PCSK7: variants seen among roughly 807,000 people sequenced by gnomAD.
PCSK7 encodes lymphoma proprotein convertase.
Under a neutral mutation model 73.3 loss-of-function variants are expected in PCSK7, and 38 were observed. The observed-to-expected ratio is 0.52, with a 90% CI of 0.40 to 0.68. The LOEUF (loss-of-function observed/expected upper bound fraction) is 0.68. Ranked by LOEUF, PCSK7 falls within the 30% of genes least tolerant of loss-of-function variation. PCSK7 has a pLI of 0.00. For synonymous variants in PCSK7, 296 were observed against 383.8 expected (o/e 0.77, Z 2.68); for missense variants, 692 against 991.5 (o/e 0.70, Z 4.06).
intron 6 of PCSK7, chr11:117,225,511 G>T: frequency 5.0e-6 from 1 of 199,834 alleles, no homozygotes; most frequent in Non-Finnish European, 1.0e-5. Flanking sequence ...GGGAGGAACA[G>T]GTGCCATCAA....
chr11:117,205,093 T>C lies in PCSK7; in HGVS notation c.*904A>G, dbSNP rs2031290130. On this transcript the variant is annotated 3_prime_UTR_variant, in exon 17 of 17. Transcript: ENST00000320934. Reference sequence around the variant, plus strand: ...AGAATTGTTTGGAAGGTTTTTATTTTGGAAAAGCTGTGCAGAAAAAAATTC... The same window carrying C: ...AGAATTGTTTGGAAGGTTTTTATTTCGGAAAAGCTGTGCAGAAAAAAATTC... 1 of 226,038 alleles carries C rather than the reference T, an allele frequency of 4.4e-6. No individual in the cohort carries two copies. Among genetic ancestry groups the C allele is most frequent in the Non-Finnish European group, 8.8e-6 (1 of 113,268 alleles). The allele number at this position is 226,038 out of a possible 1,614,324, so 14.0% of individuals were successfully genotyped here. A position where few individuals can be genotyped will look rare whatever the true frequency, so the allele number is the denominator to read the frequency against.
chr11:117,209,972 G>A (rs1258721366), intron 12 of PCSK7: 2 of 152,700 alleles, frequency 1.3e-5, no homozygotes, highest in Non-Finnish European at 2.9e-5. Flanking sequence ...GAGGGGATGG[G>A]TGTGGCCAGA....
rs759719489 is a variant in PCSK7, at chr11:117,219,650, C to G, written c.1264G>C (p.Val422Leu). Residue 422 changes from valine (V) to leucine (L), a missense_variant, in exon 10 of 17, where the codon GTG becomes CTG. By Grantham distance (32) the Val-to-Leu change is conservative. This residue lies in a region of PCSK7 where 574 missense variants were observed against 689.8 expected (regional missense o/e 0.83). Coordinates refer to ENST00000320934, the MANE Select transcript of PCSK7 (RefSeq NM_004716.4). The stretch of plus-strand genomic sequence containing the variant: ...TCACGCCACGTGAGGCAGGGCCGCA[C>G]CTGCAGCATTAAGGCTATCATGCCA... ...AAGMIALMLQVRPCLTWRDVQ... is the reference protein window; with the variant it reads ...AAGMIALMLQLRPCLTWRDVQ... 1 of 1,612,742 alleles carries G rather than the reference C, an allele frequency of 6.2e-7. No homozygotes were observed. The highest frequency in any genetic ancestry group is 8.5e-7 in the Non-Finnish European group (1 of 1,179,534).
rs944525678 is a variant in PCSK7, at chr11:117,225,772, G to A, written c.860+159C>T. The A allele has an allele frequency of 2.4e-5, 15 of 633,824 alleles. No individual in the cohort carries two copies. In the South Asian group the frequency reaches 2.7e-4, roughly 11 times the overall value. The allele number at this position is 633,824 out of a possible 1,614,324, so 39.3% of individuals were successfully genotyped here. On this transcript the variant is annotated intron_variant, in intron 6 of 16. Transcript: ENST00000320934. ...GGGGGCTTAAGGTTGAGTGCCCAGTGGCTGGGAATCTAGAGAAATGAAGGC... is the reference window on the plus strand; with the variant it reads ...GGGGGCTTAAGGTTGAGTGCCCAGTAGCTGGGAATCTAGAGAAATGAAGGC...
At chr11:117,214,950 A>G (rs1403045313) in intron 12 of PCSK7, 1 of 152,154 alleles carries the variant, frequency 6.6e-6, no homozygotes, top group Non-Finnish European at 1.5e-5. Context: ...GAGTGTGAAT[A>G]ACACACTCCT....
intron 5 of PCSK7, 124 bp downstream of exon 5, chr11:117,227,033 C>T (rs1193081291): frequency 1.4e-6 from 1 of 727,078 alleles, no homozygotes; most frequent in African/African-American, 1.8e-5. Flanking sequence ...CTCACCCTTG[C>T]TCTATGCTAT....
chr11:117,205,225 A>C lies in PCSK7; in HGVS notation c.*772T>G. The stretch of plus-strand genomic sequence containing the variant: ...AGGCCAAGGTTGAGAGAAGAGTCAC[A>C]GCCTGTCAGGCAGATAGCTGGCCTC... On this transcript the variant is annotated 3_prime_UTR_variant, in exon 17 of 17. Transcript: ENST00000320934. 1 of 233,668 alleles carries C rather than the reference A, an allele frequency of 4.3e-6. No individual in the cohort carries two copies. Among genetic ancestry groups the C allele is most frequent in the Non-Finnish European group, 8.5e-6 (1 of 117,980 alleles). The allele number at this position is 233,668 out of a possible 1,614,324, so 14.5% of individuals were successfully genotyped here. A position where few individuals can be genotyped will look rare whatever the true frequency, so the allele number is the denominator to read the frequency against.
At chr11:117,212,199 T>C (rs897701368) in intron 12 of PCSK7, 1 of 152,126 alleles carries the variant, frequency 6.6e-6, no homozygotes, top group African/African-American at 2.4e-5. Flanking sequence ...TTTTTTATTG[T>C]TTTTAATTGT....
chr11:117,227,306 T>C lies in PCSK7; in HGVS notation c.620A>G (p.Tyr207Cys). Reference protein sequence around the residue: ...IAPNYSPEGSYDLNSNDPDPM... With the variant: ...IAPNYSPEGSCDLNSNDPDPM... ...GTCAGGGTCATTAGAGTTGAGGTCA[T>C]AGCTACCCTCAGGGCTCTGAAATAT... Residue 207 changes from tyrosine (Y) to cysteine (C), a missense_variant, in exon 5 of 17, where the codon TAT becomes TGT. Coordinates refer to ENST00000320934, the MANE Select transcript of PCSK7 (RefSeq NM_004716.4). The C allele has an allele frequency of 1.9e-6, 3 of 1,613,542 alleles. No individual in the cohort carries two copies. The highest frequency in any genetic ancestry group is 2.2e-5 in the East Asian group (1 of 44,876).
At chr11:117,223,497 G>T (rs2032288702) in intron 8 of PCSK7, 189 bp from the exon 9 acceptor site, 1 of 585,592 alleles carries the variant, frequency 1.7e-6, no homozygotes, top group Non-Finnish European at 3.1e-6. Flanking sequence ...AGTGGCAGAG[G>T]GCATTCTGTG....
intron 3 of PCSK7, among the ~76,000 whole-genome samples, chr11:117,228,836 G>C (rs937761250): frequency 9.9e-5 from 15 of 152,220 alleles, no homozygotes; most frequent in African/African-American, 3.6e-4. Flanking sequence ...TAGCCAGGAT[G>C]GTCTTGATCT....
chr11:117,224,026 C>T, intron 8 of PCSK7, 52 bp downstream of exon 8: 1 of 1,588,264 alleles, frequency 6.3e-7, no homozygotes, highest in Non-Finnish European at 8.6e-7. Flanking sequence ...CGTGTGATGC[C>T]CTAACCCTTC....
rs765583570 is a variant in PCSK7 at position 117,229,823 on chromosome 11, C to A, written c.22G>T (p.Val8Leu). 22 of 1,574,898 alleles carry A rather than the reference C, an allele frequency of 1.4e-5. No individual in the cohort carries two copies. The highest frequency in any genetic ancestry group is 1.9e-5 in the Non-Finnish European group (22 of 1,158,100). MPKGRQK[V>L]PHLDAPLGLP... ...CCCAGGGGGGCATCCAAGTGTGGCA[C>A]TTTCTGCCTCCCCTTCGGCATCAGA... Residue 8 changes from valine to leucine, a missense_variant, in exon 3 of 17, where the codon GTG (valine) becomes TTG (leucine). By Grantham distance (32) the Val-to-Leu change is conservative. Coordinates refer to ENST00000320934, the MANE Select transcript of PCSK7 (RefSeq NM_004716.4).
chr11:117,210,879 T>A (rs1166364328), intron 12 of PCSK7: 1 of 152,060 alleles, frequency 6.6e-6, no homozygotes, highest in East Asian at 1.9e-4. Flanking sequence ...GAGGCTGCAG[T>A]GAACCATGAC....
intron 12 of PCSK7, chr11:117,210,035 TGTG>T (rs950902914): frequency 6.6e-6 from 1 of 152,302 alleles, no homozygotes; most frequent in African/African-American, 2.4e-5. Flanking sequence ...GGATCTTGGT[TGTG>T]GTGGTAGTTA....
At chr11:117,213,468 A>T (rs2031819303) in intron 12 of PCSK7, 2 of 152,200 alleles carry the variant, frequency 1.3e-5, no homozygotes, top group Non-Finnish European at 1.5e-5. Context: ...GTGATAGTGA[A>T]ATCTAAAATT....
chr11:117,205,219 A>G lies in PCSK7; in HGVS notation c.*778T>C, dbSNP rs770550899. On this transcript the variant is annotated 3_prime_UTR_variant, in exon 17 of 17. Transcript: ENST00000320934. ...GGGAGAAGGCCAAGGTTGAGAGAAGAGTCACAGCCTGTCAGGCAGATAGCT... is the reference window on the plus strand; with the variant it reads ...GGGAGAAGGCCAAGGTTGAGAGAAGGGTCACAGCCTGTCAGGCAGATAGCT... The G allele has an allele frequency of 6.4e-5, 15 of 233,566 alleles. No homozygotes were observed. The highest frequency in any genetic ancestry group is 1.3e-4 in the Non-Finnish European group (15 of 118,000). The allele number at this position is 233,566 out of a possible 1,614,324, so 14.5% of individuals were successfully genotyped here.
intron 7 of PCSK7, 126 bp downstream of exon 7, chr11:117,224,575 G>A (rs1347319524): frequency 2.4e-6 from 2 of 824,274 alleles, no homozygotes; most frequent in African/African-American, 1.7e-5. Flanking sequence ...GACGTTAGGT[G>A]TTCTCTTCCT....
chr11:117,207,014 G>A, intron 15 of PCSK7, 53 bp downstream of exon 15: 1 of 1,565,102 alleles, frequency 6.4e-7, no homozygotes, highest in Non-Finnish European at 8.8e-7. Context: ...GGCTCCCTAG[G>A]CGGCCCTTCC....
Sources: allele counts gnomAD v4.1 joint callset (sites outside exome capture counted in the v4.1 genomes callset), GRCh38; gene constraint gnomAD v4.1.1; regional missense constraint gnomAD v4.1.1; transcripts MANE v1.5; gene names NCBI Gene and HGNC (gene_info 2026-07-23, HGNC 2026-07-21).